Variants in FAM163B observed in about 807,000 individuals in gnomAD.
FAM163B encodes protein FAM163B.
FAM163B carries 4 observed loss-of-function variants against 7.6 expected under a neutral mutation model. That is an observed-to-expected ratio of 0.52 (90% CI 0.26 to 1.20). FAM163B has a LOEUF of 1.20. Among genes scored for constraint, FAM163B ranks in the 50% most tolerant of loss-of-function variants. The probability of loss-of-function intolerance (pLI) is 0.14; values close to 1 mark genes in which losing one functional copy is unlikely to be tolerated. For synonymous variants in FAM163B, 120 were observed against 111.6 expected, an observed-to-expected ratio of 1.07 and a Z score of -0.47; for missense variants, 250 against 243.0, an observed-to-expected ratio of 1.03 and a Z score of -0.19.
At chr9:133,589,376 A>T (rs1221446041) in intron 1 of FAM163B, among the ~76,000 whole-genome samples, 1 of 152,228 alleles carries the variant, frequency 6.6e-6, no homozygotes, top group Non-Finnish European at 1.5e-5. Flanking sequence ...ACAAGGAAAC[A>T]AGAGAGCCAA....
chr9:133,608,758 T>C (rs533679981), intron 1 of FAM163B, among the ~76,000 whole-genome samples: 3 of 152,374 alleles, frequency 2.0e-5, no homozygotes, highest in African/African-American at 7.2e-5. Context: ...CAGAGGGCTC[T>C]TCTGGGAAAC....
chr9:133,592,219 C>T (rs916392930), intron 1 of FAM163B, among the ~76,000 whole-genome samples: 8 of 152,060 alleles, frequency 5.3e-5, no homozygotes, highest in Admixed American at 3.9e-4. Context: ...TGAGGCGGAG[C>T]CCCTGGGAAC....
intron 1 of FAM163B, among the ~76,000 whole-genome samples, chr9:133,595,944 G>T (rs1831625922): frequency 6.6e-6 from 1 of 152,214 alleles, no homozygotes; most frequent in South Asian, 2.1e-4. Context: ...CGAATGAGAA[G>T]TGAATGTGTT....
At chr9:133,590,390 G>C (rs1310407181) in intron 1 of FAM163B, among the ~76,000 whole-genome samples, 1 of 151,972 alleles carries the variant, frequency 6.6e-6, no homozygotes, top group African/African-American at 2.4e-5. Flanking sequence ...CAGAGCTCTC[G>C]TTTAGTAAAC....
chr9:133,606,464 C>A lies in FAM163B; in HGVS notation c.-24+2613G>T, dbSNP rs553464024. Among the ~76,000 whole-genome samples, 1 of 152,338 alleles carries A rather than the reference C, an allele frequency of 6.6e-6. No homozygotes were observed. Among genetic ancestry groups the A allele is most frequent in the East Asian group, 1.9e-4 (1 of 5,182 alleles). Reference sequence around the variant, plus strand: ...GAGAAGCCCCCCAGCCCCACCCTGGCCTCTGTAGGGTGGTCCCCAGGACCA... The same window carrying A: ...GAGAAGCCCCCCAGCCCCACCCTGGACTCTGTAGGGTGGTCCCCAGGACCA... On this transcript the variant is annotated intron_variant, in intron 1 of 2. Coordinates refer to ENST00000673969, the MANE Select transcript of FAM163B (RefSeq NM_001080515.3). The surrounding 1 kb of genome is among the most constrained non-coding windows in gnomAD (Gnocchi z 4.0).
In FAM163B at chr9:133,585,666, C is replaced by G. The variant is rs890101472; in HGVS notation, c.-23-5420G>C. ...CTTCCAAACCAACCGGGCCCCAGGA[C>G]GGGGAGCCTGGTAAACACACAGACG... On this transcript the variant is annotated intron_variant, in intron 1 of 2. Coordinates refer to ENST00000673969, the MANE Select transcript of FAM163B (RefSeq NM_001080515.3). 1.2e-4 allele frequency among the ~76,000 whole-genome samples: 18 copies of G among 152,366 alleles called. No homozygotes were observed. In the South Asian group the frequency reaches 3.7e-3, roughly 32 times the overall value.
chr9:133,585,333 A>C (rs1305968616), intron 1 of FAM163B, among the ~76,000 whole-genome samples: 9 of 152,100 alleles, frequency 5.9e-5, no homozygotes, highest in Non-Finnish European at 8.8e-5. Context: ...ACCCCCTGCT[A>C]ACCACCATCT....
At chr9:133,599,038 G>C (rs1485820738) in intron 1 of FAM163B, among the ~76,000 whole-genome samples, 1 of 152,106 alleles carries the variant, frequency 6.6e-6, no homozygotes, top group Admixed American at 6.5e-5. Flanking sequence ...CCTTCCCTGT[G>C]AGTGGCCCTT....
intron 1 of FAM163B, among the ~76,000 whole-genome samples, chr9:133,594,526 A>C (rs997931286): frequency 4.6e-5 from 7 of 151,984 alleles, no homozygotes; most frequent in Non-Finnish European, 8.8e-5. Context: ...CCACCCCTGA[A>C]GATGGCTCCC....
chr9:133,579,259 G>A lies in FAM163B; in HGVS notation c.264C>T (p.Arg88=), dbSNP rs761906166. The change falls in exon 3 of 3, where the codon CGC becomes CGT. Residue 88 remains arginine, a synonymous_variant. Coordinates refer to ENST00000673969, the MANE Select transcript of FAM163B (RefSeq NM_001080515.3). ...AGTGGGAGCAGCTGCGGCAGAGGGCGCGGGCCTGCGGGGACTTCTGGCTGA... is the reference window on the plus strand; with the variant it reads ...AGTGGGAGCAGCTGCGGCAGAGGGCACGGGCCTGCGGGGACTTCTGGCTGA... The part of the protein sequence containing the change: ...TSFSQKSPQA[R]ALCRSCSHCE... 4.6e-5 allele frequency: 74 copies of A among 1,612,270 alleles called. No homozygotes were observed. The Middle Eastern group carries it at 5.0e-4, about 11-fold the overall frequency.
Position 133,578,599 on chromosome 9 carries a change from G to C in FAM163B, c.*423C>G. ...TTGCCAGGGAGGGCCTTGCTGCAGG[G>C]CCCTGGGCCTCACTGAGGTCATCCC... On this transcript the variant is annotated 3_prime_UTR_variant, in exon 3 of 3. Coordinates refer to ENST00000673969, the MANE Select transcript of FAM163B (RefSeq NM_001080515.3). 1 of 180,150 alleles carries C rather than the reference G, an allele frequency of 5.6e-6. No individual in the cohort carries two copies. Among genetic ancestry groups the C allele is most frequent in the African/African-American group, 2.4e-5 (1 of 42,508 alleles). The allele number at this position is 180,150 out of a possible 1,614,324, so 11.2% of individuals were successfully genotyped here.
intron 1 of FAM163B, among the ~76,000 whole-genome samples, chr9:133,596,730 TG>T (rs1241664121): frequency 6.6e-6 from 1 of 152,182 alleles, no homozygotes; most frequent in African/African-American, 2.4e-5. Flanking sequence ...TGCTGCTCCG[TG>T]GGGGACCGTG....
At chr9:133,599,206 CACTGCTCCATCGACTCGGA>C (rs1831675266) in intron 1 of FAM163B, among the ~76,000 whole-genome samples, 1 of 152,188 alleles carries the variant, frequency 6.6e-6, no homozygotes, top group Non-Finnish European at 1.5e-5. Flanking sequence ...CCTTTGCACA[CACTGCTCCATCGACTCGGA>C]ACTGCCATCC....
chr9:133,588,110 T>C (rs1831469279), intron 1 of FAM163B, among the ~76,000 whole-genome samples: 1 of 152,104 alleles, frequency 6.6e-6, no homozygotes, highest in Non-Finnish European at 1.5e-5. Context: ...GCTGTGAGGC[T>C]GGGCAGTGGG....
intron 1 of FAM163B, among the ~76,000 whole-genome samples, chr9:133,595,098 G>A (rs10821577): frequency 0.23 from 35,027 of 152,054 alleles, 4,546 homozygotes; most frequent in African/African-American, 0.32. Flanking sequence ...ACATTTTAAC[G>A]TGCATCGAGT....
chr9:133,598,916 T>C (rs939846775), intron 1 of FAM163B, among the ~76,000 whole-genome samples: 4 of 151,990 alleles, frequency 2.6e-5, no homozygotes, highest in Non-Finnish European at 5.9e-5. Context: ...AGAACAAAGG[T>C]GGCCTGAGAT....
chr9:133,597,882 G>A (rs1831655060), intron 1 of FAM163B, among the ~76,000 whole-genome samples: 1 of 151,916 alleles, frequency 6.6e-6, no homozygotes, highest in Non-Finnish European at 1.5e-5. Context: ...GTGCAATCCA[G>A]AAAAAGAAAA....
At chr9:133,584,457 G>A (rs1306055135) in intron 1 of FAM163B, among the ~76,000 whole-genome samples, 1 of 152,182 alleles carries the variant, frequency 6.6e-6, no homozygotes, top group Non-Finnish European at 1.5e-5. Context: ...GTCCTGCCAG[G>A]AATCCAGATG....
At chr9:133,579,500 C>A (rs1342279510) in intron 2 of FAM163B, 71 bp from the exon 3 acceptor site, 3 of 1,485,258 alleles carry the variant, frequency 2.0e-6, no homozygotes, top group South Asian at 1.3e-5. Context: ...GGAAAGGCTA[C>A]CCCTGACTGG....
Sources: allele counts gnomAD v4.1 joint callset (sites outside exome capture counted in the v4.1 genomes callset), GRCh38; gene constraint gnomAD v4.1.1; non-coding constraint Gnocchi (gnomAD v3.1); transcripts MANE v1.5; gene names NCBI Gene and HGNC (gene_info 2026-07-23, HGNC 2026-07-21).